SLC2A9: variants seen among roughly 807,000 people sequenced by gnomAD.
SLC2A9 encodes the protein solute carrier family 2, facilitated glucose transporter member 9.
In SLC2A9, 39 loss-of-function variants were observed where a neutral mutation model predicts 50.6. That is an observed-to-expected ratio of 0.77 (90% CI 0.60 to 1.01). The LOEUF (loss-of-function observed/expected upper bound fraction) is 1.01, where lower values mean the gene tolerates loss of function less well. SLC2A9 is among the 50% of genes least tolerant of loss of function. The pLI is 0.00. For missense variants in SLC2A9, 686 were observed against 677.6 expected (o/e 1.01, Z -0.14); for synonymous variants, 324 against 276.9 (o/e 1.17, Z -1.69).
intron 3 of SLC2A9, among the ~76,000 whole-genome samples, chr4:9,990,201 A>G (rs1757449890): frequency 6.6e-6 from 1 of 152,156 alleles, no homozygotes; most frequent in Admixed American, 6.5e-5. Flanking sequence ...GTGAGTAAAT[A>G]ATCGGATGAG....
downstream of SLC2A9, among the ~76,000 whole-genome samples, chr4:9,795,166 A>G (rs1448062182): frequency 1.3e-5 from 2 of 151,836 alleles, no homozygotes; most frequent in Admixed American, 1.3e-4. Context: ...GCACGCCCCC[A>G]CACTCAGCTA....
At chr4:9,955,813 A>G (rs1478695350) in intron 5 of SLC2A9, among the ~76,000 whole-genome samples, 2 of 148,956 alleles carry the variant, frequency 1.3e-5, no homozygotes, top group East Asian at 3.9e-4. Flanking sequence ...GCCCCACTGG[A>G]CATTCTCTAG....
At chr4:9,956,360 G>A (rs113439739) in intron 5 of SLC2A9, among the ~76,000 whole-genome samples, 71,745 of 151,434 alleles carry the variant, frequency 0.47, 18,096 homozygotes, top group African/African-American at 0.64. Context: ...GTAGCCTGTA[G>A]CCCCAGCTAC....
intron 1 of SLC2A9, among the ~76,000 whole-genome samples, chr4:10,032,770 G>A (rs1226121512): frequency 1.3e-5 from 2 of 152,186 alleles, no homozygotes; most frequent in Non-Finnish European, 2.9e-5. Context: ...TGCTGGACAG[G>A]TGACGTTTAT....
chr4:9,783,968 C>G (rs1314840995), intron 3 of SLC2A9: 1 of 168,898 alleles, frequency 5.9e-6, no homozygotes, highest in African/African-American at 2.4e-5. Flanking sequence ...TAAGAAGTAT[C>G]CCTGATTTAT....
intron 5 of SLC2A9, among the ~76,000 whole-genome samples, chr4:9,951,301 G>A (rs1218675805): frequency 7.2e-6 from 1 of 139,274 alleles, no homozygotes; most frequent in Non-Finnish European, 1.5e-5. Context: ...TTGATCATAT[G>A]GATGTGGAGA....
intron 10 of SLC2A9, 117 bp from the exon 11 acceptor site, chr4:9,835,125 G>A: frequency 1.4e-6 from 2 of 1,447,132 alleles, no homozygotes; most frequent in African/African-American, 1.4e-5. Context: ...GACTGGATGT[G>A]TAGTGGGCCC....
chr4:9,920,727 C>T (rs1023251327), intron 6 of SLC2A9, among the ~76,000 whole-genome samples, 155 bp from the exon 7 acceptor site: 2 of 152,170 alleles, frequency 1.3e-5, no homozygotes, highest in Non-Finnish European at 2.9e-5. Flanking sequence ...AGTCCAAAGC[C>T]CTTGTTTAAA....
At chr4:10,016,360 T>C (rs535839861) in intron 2 of SLC2A9, among the ~76,000 whole-genome samples, 27 of 152,338 alleles carry the variant, frequency 1.8e-4, no homozygotes, top group African/African-American at 6.5e-4. Context: ...AGTTTCGTCA[T>C]CTGTAAAATG....
intron 1 of SLC2A9, among the ~76,000 whole-genome samples, chr4:10,038,486 G>A (rs1358762620): frequency 8.9e-6 from 1 of 111,778 alleles, no homozygotes; most frequent in Non-Finnish European, 1.7e-5. Flanking sequence ...CAGCCTGGGT[G>A]ACAGAGTAAG....
chr4:9,883,097 C>G (rs547264235), intron 10 of SLC2A9, among the ~76,000 whole-genome samples: 3 of 151,822 alleles, frequency 2.0e-5, no homozygotes, highest in Admixed American at 2.0e-4. Flanking sequence ...GACAACTATG[C>G]ATCCTAATGT....
At chr4:9,830,888 C>T (rs1401440) in intron 11 of SLC2A9, among the ~76,000 whole-genome samples, 82,648 of 152,054 alleles carry the variant, frequency 0.54, 23,541 homozygotes, top group Non-Finnish European at 0.63. Context: ...CCCACAACCA[C>T]AGTTGCCTCC....
At chr4:9,987,479 C>A (rs1756931303) in intron 3 of SLC2A9, among the ~76,000 whole-genome samples, 2 of 152,090 alleles carry the variant, frequency 1.3e-5, no homozygotes, top group Admixed American at 1.3e-4. Context: ...ACATCTTAGC[C>A]CTTTACGGCT....
downstream of SLC2A9, among the ~76,000 whole-genome samples, chr4:9,797,956 G>C (rs2108909938): frequency 6.6e-6 from 1 of 152,328 alleles, no homozygotes; most frequent in East Asian, 1.9e-4. Flanking sequence ...TTCCAGCCCA[G>C]TGCTTGGCAT....
chr4:9,804,030 G>C (rs547209340), intron 3 of SLC2A9, among the ~76,000 whole-genome samples: 1 of 152,284 alleles, frequency 6.6e-6, no homozygotes, highest in South Asian at 2.1e-4. Flanking sequence ...AACCATTGGT[G>C]CTCTGCAAAG....
At chr4:9,951,484 C>A (rs2108847122) in intron 5 of SLC2A9, among the ~76,000 whole-genome samples, 1 of 152,270 alleles carries the variant, frequency 6.6e-6, no homozygotes, top group Admixed American at 6.5e-5. Flanking sequence ...CTGACTCAAT[C>A]ACCACACAAA....
At chr4:9,807,275 C>T (rs1041687933) in intron 3 of SLC2A9, among the ~76,000 whole-genome samples, 2 of 152,220 alleles carry the variant, frequency 1.3e-5, no homozygotes, top group Admixed American at 6.5e-5. Context: ...TGCTGTGTCA[C>T]ATCTCCCATG....
At chr4:9,822,664 A>G (rs1017387556), downstream of SLC2A9, among the ~76,000 whole-genome samples, 1 of 152,258 alleles carries the variant, frequency 6.6e-6, no homozygotes, top group South Asian at 2.1e-4. Flanking sequence ...GTTTAAAAAA[A>G]TACTGAGATA....
downstream of SLC2A9, among the ~76,000 whole-genome samples, chr4:9,822,307 A>G (rs1333501807): frequency 6.6e-6 from 1 of 151,782 alleles, no homozygotes; most frequent in Non-Finnish European, 1.5e-5. Context: ...TTTTATTCTT[A>G]TCTTTATTAT....
Sources: allele counts gnomAD v4.1 joint callset (sites outside exome capture counted in the v4.1 genomes callset), GRCh38; gene constraint gnomAD v4.1.1; transcripts MANE v1.5; gene names NCBI Gene and HGNC (gene_info 2026-07-23, HGNC 2026-07-21).